Variants in CELF4 observed in about 807,000 individuals in gnomAD.
CELF4 encodes the protein CUGBP Elav-like family member 4.
In CELF4, 18 loss-of-function variants were observed where a neutral mutation model predicts 59.9. The observed-to-expected ratio is 0.30, with a 90% CI of 0.21 to 0.45. The LOEUF is 0.45. Ranked by LOEUF, CELF4 falls within the 20% of genes least tolerant of loss-of-function variation. CELF4 has a pLI of 1.00. For missense variants in CELF4, 456 were observed against 689.0 expected, an observed-to-expected ratio of 0.66 and a Z score of 3.79; for synonymous variants, 261 against 267.1, an observed-to-expected ratio of 0.98 and a Z score of 0.22.
chr18:37,275,693 A>C (rs28612164), intron 3 of CELF4: 10,059 of 176,646 alleles, frequency 0.057, 1,115 homozygotes, highest in African/African-American at 0.22. Flanking sequence ...GCCTTTGCAG[A>C]TGCTGTTCCC....
rs1180910953 is a variant in CELF4, at chr18:37,402,895, T to G, written c.370-81014A>C. On this transcript the variant is annotated intron_variant, in intron 2 of 12. Coordinates refer to ENST00000420428, the MANE Select transcript of CELF4 (RefSeq NM_020180.4). ...CTTCTGAGGAGCCTTCCCTGGGCCC[T>G]TCTCCCCCAGCCTTCCTCTGCCCTC... 5.3e-5 allele frequency among the ~76,000 whole-genome samples: 8 copies of G among 152,244 alleles called. No individual in the cohort carries two copies. In the South Asian group the frequency reaches 1.7e-3, roughly 32 times the overall value.
intron 2 of CELF4, among the ~76,000 whole-genome samples, chr18:37,373,339 G>A (rs2154565889): frequency 6.6e-6 from 1 of 152,316 alleles, no homozygotes; most frequent in East Asian, 1.9e-4. Context: ...GATTTCAGAT[G>A]TGGAGGGGAC....
At chr18:37,524,850 G>C (rs1368465872) in intron 1 of CELF4, among the ~76,000 whole-genome samples, 1 of 152,116 alleles carries the variant, frequency 6.6e-6, no homozygotes, top group East Asian at 1.9e-4. Context: ...GCAGCGCCCA[G>C]CAGGAGAATG....
intron 3 of CELF4, among the ~76,000 whole-genome samples, chr18:37,315,005 G>A (rs568853163): frequency 2.6e-5 from 4 of 152,126 alleles, no homozygotes; most frequent in Non-Finnish European, 4.4e-5. Context: ...AATCGGGCCC[G>A]ATTCTGCTGT....
At position 37,547,536 on chromosome 18, in the gene CELF4, C is replaced by T. The variant is rs138680048; in HGVS notation, c.286+17820G>A. ...GGCCTGCCCAAAATTTCTCCAGGTC[C>T]TGCCTTTAGTCTTGGTTAGACGAAC... On this transcript the variant is annotated intron_variant, in intron 1 of 12. Transcript: ENST00000420428. 1.4e-3 allele frequency among the ~76,000 whole-genome samples: 209 copies of T among 152,290 alleles called. 2 individuals carry two copies. The East Asian group carries it at 0.028, about 21-fold the overall frequency.
chr18:37,313,188 A>C (rs573544209), intron 3 of CELF4, among the ~76,000 whole-genome samples: 2 of 152,298 alleles, frequency 1.3e-5, no homozygotes, highest in African/African-American at 4.8e-5. Context: ...ACCAACACCA[A>C]ATCAATGGGT....
At chr18:37,313,792 G>A (rs1021301595) in intron 3 of CELF4, among the ~76,000 whole-genome samples, 10 of 152,238 alleles carry the variant, frequency 6.6e-5, no homozygotes, top group African/African-American at 2.2e-4. Context: ...TGGTGGAGGG[G>A]CCAGGAGGAT....
chr18:37,414,196 AT>A (rs2099502965), intron 2 of CELF4, among the ~76,000 whole-genome samples: 1 of 6,282 alleles, frequency 1.6e-4, no homozygotes, highest in South Asian at 2.8e-3. Flanking sequence ...TCATTCATCT[AT>A]CTATCTATCT....
At chr18:37,450,550 C>T (rs373898219) in intron 2 of CELF4, among the ~76,000 whole-genome samples, 5 of 151,974 alleles carry the variant, frequency 3.3e-5, no homozygotes, top group Admixed American at 6.6e-5. Context: ...AGATAAAGTG[C>T]GCACAGCTGC....
chr18:37,515,127 T>C (rs1316869883), intron 1 of CELF4, among the ~76,000 whole-genome samples: 6 of 152,214 alleles, frequency 3.9e-5, no homozygotes, highest in African/African-American at 1.2e-4. Flanking sequence ...TAAATCTGCA[T>C]GAGAGCCAAT....
At chr18:37,297,416 G>A (rs1172111479) in intron 3 of CELF4, among the ~76,000 whole-genome samples, 2 of 152,142 alleles carry the variant, frequency 1.3e-5, no homozygotes, top group African/African-American at 4.8e-5. Flanking sequence ...ATCAGAGCAC[G>A]GTCCTCCCGC....
At chr18:37,296,644 G>C (rs1019421001) in intron 3 of CELF4, among the ~76,000 whole-genome samples, 2 of 152,182 alleles carry the variant, frequency 1.3e-5, no homozygotes, top group African/African-American at 4.8e-5. Flanking sequence ...TGGGACTTGT[G>C]GGCATCCTGG....
intron 2 of CELF4, among the ~76,000 whole-genome samples, chr18:37,386,881 T>C (rs2099104916): frequency 6.6e-6 from 1 of 152,182 alleles, no homozygotes; most frequent in South Asian, 2.1e-4. Flanking sequence ...TCTCTTAGCA[T>C]TAAAAAGGTG....
chr18:37,272,850 GAT>G (rs1486925823), intron 7 of CELF4, among the ~76,000 whole-genome samples, 164 bp downstream of exon 7: 1 of 152,202 alleles, frequency 6.6e-6, no homozygotes, highest in African/African-American at 2.4e-5. Flanking sequence ...GATCCCCATG[GAT>G]TAGAACATTT....
intron 1 of CELF4, among the ~76,000 whole-genome samples, chr18:37,503,109 A>G (rs976613892): frequency 6.6e-6 from 1 of 152,130 alleles, no homozygotes; most frequent in Non-Finnish European, 1.5e-5. Flanking sequence ...GTCACTCACT[A>G]TCTAGGGGGA....
At chr18:37,444,907 G>C (rs768717966) in intron 2 of CELF4, among the ~76,000 whole-genome samples, 1 of 152,196 alleles carries the variant, frequency 6.6e-6, no homozygotes, top group Admixed American at 6.5e-5. Flanking sequence ...TTCCAGGAGA[G>C]GGTGCTGTTG....
intron 2 of CELF4, among the ~76,000 whole-genome samples, chr18:37,327,056 G>C (rs970710917): frequency 1.3e-5 from 2 of 152,136 alleles, no homozygotes; most frequent in South Asian, 4.1e-4. Flanking sequence ...TGAGCTGGTC[G>C]AAAGGCTTCA....
At chr18:37,506,375 GCCAGCT>G (rs2099938029) in intron 1 of CELF4, among the ~76,000 whole-genome samples, 1 of 151,994 alleles carries the variant, frequency 6.6e-6, no homozygotes, top group Non-Finnish European at 1.5e-5. Flanking sequence ...GGACAGACCA[GCCAGCT>G]CCCTGTAGGT....
intron 3 of CELF4, among the ~76,000 whole-genome samples, chr18:37,300,312 C>T (rs2154447978): frequency 6.6e-6 from 1 of 152,128 alleles, no homozygotes; most frequent in Non-Finnish European, 1.5e-5. Context: ...GCAACCTCCA[C>T]CTCCCAGGCT....
Sources: allele counts gnomAD v4.1 joint callset (sites outside exome capture counted in the v4.1 genomes callset), GRCh38; gene constraint gnomAD v4.1.1; transcripts MANE v1.5; gene names NCBI Gene and HGNC (gene_info 2026-07-23, HGNC 2026-07-21).